Variants in NLGN1 observed in about 807,000 individuals in gnomAD.
NLGN1 encodes neuroligin 1.
A neutral mutation model predicts 65.5 loss-of-function variants in NLGN1; 12 were observed. The observed-to-expected ratio is 0.18, with a 90% CI of 0.12 to 0.30. The LOEUF (loss-of-function observed/expected upper bound fraction) is 0.30. Ranked by LOEUF, NLGN1 falls within the 10% of genes least tolerant of loss-of-function variation. NLGN1 has a pLI of 1.00. For synonymous variants in NLGN1, 350 were observed against 359.5 expected (o/e 0.97, Z 0.30); for missense variants, 750 against 1,007.1 (o/e 0.74, Z 3.46).
chr3:173,971,048 A>G (rs1163320209), intron 4 of NLGN1, among the ~76,000 whole-genome samples: 1 of 152,144 alleles, frequency 6.6e-6, no homozygotes, highest in African/African-American at 2.4e-5. Flanking sequence ...CCGTGAGTTA[A>G]TGACAAAACT....
intron 2 of NLGN1, among the ~76,000 whole-genome samples, chr3:173,527,177 A>G (rs573148648): frequency 6.6e-6 from 1 of 152,288 alleles, no homozygotes; most frequent in East Asian, 1.9e-4. Flanking sequence ...CTTGACAGCA[A>G]CAGTGTATGA....
intron 4 of NLGN1, among the ~76,000 whole-genome samples, chr3:173,981,338 G>T (rs1427642431): frequency 6.6e-6 from 1 of 152,064 alleles, no homozygotes; most frequent in Admixed American, 6.6e-5. Context: ...TTTTCAAATT[G>T]ATAGTATTTG....
intron 1 of NLGN1, among the ~76,000 whole-genome samples, chr3:173,401,825 A>G (rs1297170740): frequency 6.6e-6 from 1 of 152,218 alleles, no homozygotes; most frequent in African/African-American, 2.4e-5. Context: ...AACATCCATC[A>G]AAGAGGGTCG....
intron 3 of NLGN1, among the ~76,000 whole-genome samples, chr3:173,721,500 TA>T (rs1770828419): frequency 6.6e-6 from 1 of 152,208 alleles, no homozygotes; most frequent in African/African-American, 2.4e-5. Flanking sequence ...CACTCTAAGG[TA>T]AAATGTAAAC....
chr3:174,205,078 A>AT (rs1288244526), intron 4 of NLGN1, among the ~76,000 whole-genome samples: 3 of 152,194 alleles, frequency 2.0e-5, no homozygotes, highest in Admixed American at 6.5e-5. Flanking sequence ...CTATTGTGGC[A>AT]TTTTTATTAA....
intron 4 of NLGN1, among the ~76,000 whole-genome samples, chr3:173,846,787 G>T (rs1424101794): frequency 6.6e-6 from 1 of 152,180 alleles, no homozygotes; most frequent in African/African-American, 2.4e-5. Flanking sequence ...CAGTGTGTCT[G>T]CTTCTCTGCC....
At chr3:173,845,498 A>G (rs1291316168) in intron 4 of NLGN1, among the ~76,000 whole-genome samples, 1 of 152,154 alleles carries the variant, frequency 6.6e-6, no homozygotes, top group African/African-American at 2.4e-5. Flanking sequence ...GTGGCGAAAT[A>G]ATTTAATATT....
chr3:174,000,994 T>C (rs1723175094), intron 4 of NLGN1, among the ~76,000 whole-genome samples: 1 of 152,148 alleles, frequency 6.6e-6, no homozygotes, highest in East Asian at 1.9e-4. Flanking sequence ...GTACTCCAGC[T>C]GAGTGCACAC....
chr3:173,456,725 C>A (rs1722570853), intron 2 of NLGN1, among the ~76,000 whole-genome samples: 1 of 152,008 alleles, frequency 6.6e-6, no homozygotes, highest in Non-Finnish European at 1.5e-5. Flanking sequence ...CCATTACTAC[C>A]CGTAAGCATG....
intron 4 of NLGN1, among the ~76,000 whole-genome samples, chr3:173,952,418 C>T (rs1402751393): frequency 6.6e-6 from 1 of 152,102 alleles, no homozygotes; most frequent in African/African-American, 2.4e-5. Flanking sequence ...TTTTTTATTC[C>T]TGAATCTTGT....
chr3:173,449,522 A>T (rs1242122830), intron 2 of NLGN1, among the ~76,000 whole-genome samples: 1 of 151,786 alleles, frequency 6.6e-6, no homozygotes, highest in Non-Finnish European at 1.5e-5. Context: ...TGTGGTGCTG[A>T]AAAAAATGTA....
chr3:173,839,701 G>A (rs1008276202), intron 4 of NLGN1, among the ~76,000 whole-genome samples: 6 of 152,088 alleles, frequency 3.9e-5, no homozygotes, highest in Non-Finnish European at 7.4e-5. Context: ...GATTACAGGC[G>A]TGAGCCGCTG....
chr3:174,127,590 T>C (rs1719218695), intron 4 of NLGN1, among the ~76,000 whole-genome samples: 1 of 152,124 alleles, frequency 6.6e-6, no homozygotes, highest in Non-Finnish European at 1.5e-5. Context: ...ACCTGAAATG[T>C]CACCCTCCCC....
chr3:174,237,850 C>G (rs1381770547), intron 4 of NLGN1, among the ~76,000 whole-genome samples: 1 of 152,136 alleles, frequency 6.6e-6, no homozygotes, highest in East Asian at 1.9e-4. Flanking sequence ...AGCCACCACG[C>G]CTGGCCAGGA....
intron 4 of NLGN1, among the ~76,000 whole-genome samples, chr3:174,191,743 G>A (rs751844145): frequency 2.6e-5 from 4 of 152,092 alleles, no homozygotes; most frequent in Non-Finnish European, 5.9e-5. Flanking sequence ...CTGTATCCCA[G>A]GCTTCAGGGC....
intron 3 of NLGN1, among the ~76,000 whole-genome samples, chr3:173,626,598 G>C (rs1754857724): frequency 1.3e-5 from 2 of 151,942 alleles, no homozygotes; most frequent in South Asian, 4.1e-4. Flanking sequence ...ATATTTTTTA[G>C]AAATATAAAG....
chr3:174,275,550 T>C (rs1271464546), intron 5 of NLGN1, 23 bp downstream of exon 5: 1 of 1,563,696 alleles, frequency 6.4e-7, no homozygotes, highest in South Asian at 1.1e-5. Flanking sequence ...GTTGCAAATT[T>C]TGACAATTTT....
chr3:174,029,820 G>T (rs1729578922), intron 4 of NLGN1, among the ~76,000 whole-genome samples: 1 of 152,146 alleles, frequency 6.6e-6, no homozygotes. Context: ...ATAAATGGGA[G>T]TTCCCCTGCA....
At chr3:173,486,716 A>G (rs1381881585) in intron 2 of NLGN1, among the ~76,000 whole-genome samples, 4 of 152,228 alleles carry the variant, frequency 2.6e-5, no homozygotes, top group Admixed American at 2.0e-4. Context: ...TTATCCTTCC[A>G]CACTCCTGAC....
Sources: gnomAD v4.1 joint callset for allele counts (sites outside exome capture counted in the v4.1 genomes callset) on GRCh38, gnomAD v4.1.1 for gene constraint, MANE v1.5 for transcripts, NCBI Gene and HGNC (gene_info 2026-07-23, HGNC 2026-07-21) for gene names.